SEMA3C: variants seen among roughly 807,000 people sequenced by gnomAD.
SEMA3C encodes the protein semaphorin 3C.
Under a neutral mutation model 89.4 loss-of-function variants are expected in SEMA3C, and 47 were observed. The ratio of observed to expected loss-of-function variants is 0.53; its 90% CI spans 0.42 to 0.67. The LOEUF is 0.67. SEMA3C is among the 30% of genes least tolerant of loss of function. The pLI is 0.00. For synonymous variants in SEMA3C, 310 were observed against 320.2 expected, an observed-to-expected ratio of 0.97 and a Z score of 0.34; for missense variants, 839 against 929.1, an observed-to-expected ratio of 0.90 and a Z score of 1.26.
In SEMA3C at chr7:80,800,433, C is replaced by A. The variant is rs1446745575; in HGVS notation, c.986+324G>T. Among the ~76,000 whole-genome samples the A allele has an allele frequency of 2.0e-5, 3 of 151,970 alleles. No individual in the cohort carries two copies. The East Asian group carries it at 5.8e-4, about 29-fold the overall frequency. The stretch of plus-strand genomic sequence containing the variant: ...TCTGATAACAGCAACCAAAAAAATG[C>A]CAAAAGTTTTATTTGCTCACAAGTG... On this transcript the variant is annotated intron_variant, in intron 10 of 17. Coordinates refer to ENST00000265361, the MANE Select transcript of SEMA3C (RefSeq NM_006379.5).
intron 2 of SEMA3C, among the ~76,000 whole-genome samples, chr7:80,861,625 A>G (rs1371125193): frequency 2.0e-5 from 3 of 152,202 alleles, no homozygotes; most frequent in African/African-American, 7.2e-5. Flanking sequence ...ACTGATCTCA[A>G]AGGTTATAGA....
intron 2 of SEMA3C, among the ~76,000 whole-genome samples, chr7:80,916,432 C>A (rs1045703359): frequency 1.3e-5 from 2 of 152,120 alleles, no homozygotes; most frequent in African/African-American, 4.8e-5. Context: ...CAGGCAAGCA[C>A]AGAAGAATTA....
intron 10 of SEMA3C, among the ~76,000 whole-genome samples, chr7:80,800,201 G>T (rs1165634899): frequency 2.0e-5 from 3 of 150,032 alleles, no homozygotes; most frequent in Admixed American, 2.0e-4. Flanking sequence ...TCAGTGTTTT[G>T]TCAGGTCCTA....
Position 80,908,501 on chromosome 7 carries a change from G to A in SEMA3C, c.103+8178C>T, listed in dbSNP as rs17154589. Among the ~76,000 whole-genome samples the A allele has an allele frequency of 6.8e-3, 1,033 of 152,204 alleles. 54 individuals are homozygous for A. In the East Asian group the frequency reaches 0.13, roughly 19 times the overall value. On this transcript the variant is annotated intron_variant, in intron 2 of 17. Coordinates refer to ENST00000265361, the MANE Select transcript of SEMA3C (RefSeq NM_006379.5). ...TTCTGCTCGCTCTTTGGCAACTGAC[G>A]CTAACTATAGTAACACTAGCAACTT...
chr7:80,880,716 A>C (rs1406785470), intron 2 of SEMA3C, among the ~76,000 whole-genome samples: 1 of 152,136 alleles, frequency 6.6e-6, no homozygotes, highest in African/African-American at 2.4e-5. Flanking sequence ...CTTGAGTTCA[A>C]GAGTTCCAGA....
intron 12 of SEMA3C, among the ~76,000 whole-genome samples, chr7:80,777,747 A>G (rs1434975481): frequency 6.6e-6 from 1 of 152,234 alleles, no homozygotes; most frequent in East Asian, 1.9e-4. Flanking sequence ...TGGCTGTAGA[A>G]AGTTTCAGAG....
At chr7:80,835,282 G>A (rs1055375456) in intron 2 of SEMA3C, among the ~76,000 whole-genome samples, 2 of 152,116 alleles carry the variant, frequency 1.3e-5, no homozygotes, top group African/African-American at 4.8e-5. Flanking sequence ...TAGAAATAAC[G>A]AAGATACCAT....
At chr7:80,876,505 G>C (rs12673546) in intron 2 of SEMA3C, among the ~76,000 whole-genome samples, 5 of 151,980 alleles carry the variant, frequency 3.3e-5, no homozygotes, top group Non-Finnish European at 7.4e-5. Flanking sequence ...TGCCTCATTC[G>C]CCCCATCTAT....
In SEMA3C at chr7:80,798,193, C is replaced by A; in HGVS notation, c.1030G>T (p.Asp344Tyr). ...GSAVCVYHLSDIQTVFNGPFA... is the reference protein window; with the variant it reads ...GSAVCVYHLSYIQTVFNGPFA... The stretch of plus-strand genomic sequence containing the variant: ...GGCCCATTAAACACAGTCTGTATAT[C>A]AGATAAATGATACACACACACGGCT... Residue 344 changes from aspartate (D) to tyrosine (Y), a missense_variant, in exon 11 of 18, where the codon GAT becomes TAT. Transcript: ENST00000265361. The A allele has an allele frequency of 6.3e-7, 1 of 1,587,248 alleles. No individual in the cohort carries two copies. The highest frequency in any genetic ancestry group is 8.5e-7 in the Non-Finnish European group (1 of 1,169,774).
intron 2 of SEMA3C, among the ~76,000 whole-genome samples, chr7:80,888,591 A>G (rs764408360): frequency 5.9e-5 from 9 of 152,196 alleles, no homozygotes; most frequent in African/African-American, 1.9e-4. Context: ...ATCTATCTAC[A>G]TTGTAATTAA....
chr7:80,851,504 T>TAAAAAAA (rs35936052), intron 2 of SEMA3C, among the ~76,000 whole-genome samples: 11 of 69,792 alleles, frequency 1.6e-4, no homozygotes, highest in African/African-American at 5.8e-4. Context: ...CTCTTGTCTT[T>TAAAAAAA]AAAAAAAAAA....
chr7:80,847,435 G>C (rs974097584), intron 2 of SEMA3C: 1 of 151,982 alleles, frequency 6.6e-6, no homozygotes, highest in African/African-American at 2.4e-5. Context: ...CATTAGATTT[G>C]GTAGATATTA....
At chr7:80,813,748 C>T (rs1239686188) in intron 5 of SEMA3C, among the ~76,000 whole-genome samples, 1 of 152,150 alleles carries the variant, frequency 6.6e-6, no homozygotes, top group Admixed American at 6.5e-5. Context: ...TAAACAACCC[C>T]TTCAGCTCCC....
rs1194408967 is a variant in SEMA3C, at chr7:80,742,974, ACTGT to A, written c.*1916_*1919del. ...ATATAGTATAAAACTAAACACCGTT[ACTGT>A]CTATCAGTTTGGGCTTATGTGAAAT... On this transcript the variant is annotated 3_prime_UTR_variant, in exon 18 of 18. Transcript: ENST00000265361. 6.6e-6 allele frequency: 1 copy of A among 151,994 alleles called. No individual in the cohort carries two copies. The highest frequency in any genetic ancestry group is 2.4e-5 in the African/African-American group (1 of 41,448). The allele number at this position is 151,994 out of a possible 1,614,324, so 9.4% of individuals were successfully genotyped here.
At chr7:80,884,937 T>A (rs1791437199) in intron 2 of SEMA3C, among the ~76,000 whole-genome samples, 2 of 152,192 alleles carry the variant, frequency 1.3e-5, no homozygotes. Flanking sequence ...AAATACAGAT[T>A]AGATGCTCTT....
chr7:80,828,346 A>G (rs917203916), intron 3 of SEMA3C, among the ~76,000 whole-genome samples: 1 of 152,028 alleles, frequency 6.6e-6, no homozygotes, highest in African/African-American at 2.4e-5. Context: ...ATTTATACAC[A>G]GGTAGTATTT....
At chr7:80,787,374 A>G (rs1788828674) in intron 12 of SEMA3C, among the ~76,000 whole-genome samples, 1 of 142,910 alleles carries the variant, frequency 7.0e-6, no homozygotes, top group African/African-American at 2.6e-5. Context: ...CCTGGGTGAT[A>G]GAGCAAGACT....
intron 2 of SEMA3C, among the ~76,000 whole-genome samples, chr7:80,903,012 T>C (rs904371112): frequency 5.8e-4 from 88 of 152,326 alleles, no homozygotes; most frequent in African/African-American, 2.0e-3. Context: ...CTGACAGGGT[T>C]TGATCCACTA....
intron 2 of SEMA3C, among the ~76,000 whole-genome samples, chr7:80,881,188 C>T (rs1403584081): frequency 6.6e-6 from 1 of 151,256 alleles, no homozygotes; most frequent in African/African-American, 2.4e-5. Flanking sequence ...CACACACACA[C>T]ACACACACAC....
Sources: gnomAD v4.1 joint callset for allele counts (sites outside exome capture counted in the v4.1 genomes callset) on GRCh38, gnomAD v4.1.1 for gene constraint, MANE v1.5 for transcripts, NCBI Gene and HGNC (gene_info 2026-07-23, HGNC 2026-07-21) for gene names.